The following KPTN variants were observed in gnomAD, a reference collection of about 807,000 sequenced individuals.
KPTN encodes KICSTOR complex protein kaptin.
Under a neutral mutation model 52.6 loss-of-function variants are expected in KPTN, and 36 were observed. The ratio of observed to expected loss-of-function variants is 0.68; its 90% CI spans 0.52 to 0.90. KPTN has a LOEUF of 0.90. Among genes scored for constraint, KPTN ranks in the 40% least tolerant of loss-of-function variants. The probability of loss-of-function intolerance (pLI) is 0.00; values close to 1 mark genes in which losing one functional copy is unlikely to be tolerated. For missense variants in KPTN, 529 were observed against 576.2 expected, an observed-to-expected ratio of 0.92 and a Z score of 0.84; for synonymous variants, 271 against 248.4, an observed-to-expected ratio of 1.09 and a Z score of -0.85.
rs772040245 is a variant in KPTN, at chr19:47,484,193, C to T, written c.-33G>A. 1.9e-6 allele frequency: 3 copies of T among 1,571,864 alleles called. No individual in the cohort carries two copies. In the South Asian group the frequency reaches 3.4e-5, roughly 18 times the overall value. On this transcript the variant is annotated 5_prime_UTR_variant, in exon 1 of 12. Transcript: ENST00000338134. Reference sequence around the variant, plus strand: ...AGTTAAGCACCCTCTCCGCAGCCCCCGCCCCAACCCGCACTACCCAACCTA... The same window carrying T: ...AGTTAAGCACCCTCTCCGCAGCCCCTGCCCCAACCCGCACTACCCAACCTA...
intron 11 of KPTN, 43 bp from the exon 12 acceptor site, chr19:47,475,587 G>A: frequency 1.2e-6 from 2 of 1,604,386 alleles, no homozygotes; most frequent in Non-Finnish European, 1.7e-6. Context: ...CTGAGGAAGA[G>A]CTGTGGGACC....
chr19:47,480,476 AG>A, intron 6 of KPTN, 69 bp from the exon 7 acceptor site: 1 of 1,159,838 alleles, frequency 8.6e-7, no homozygotes. Context: ...CTGCCTCCCC[AG>A]GGGCAGCCGC....
chr19:47,483,083 T>C (rs575394719), intron 4 of KPTN, 78 bp downstream of exon 4: 1 of 1,341,462 alleles, frequency 7.5e-7, no homozygotes, highest in African/African-American at 1.4e-5. Context: ...CAGGGGTCTG[T>C]AAGTAAAGAA....
intron 8 of KPTN, among the ~76,000 whole-genome samples, chr19:47,478,306 G>T (rs1049358998): frequency 1.1e-4 from 17 of 151,820 alleles, no homozygotes; most frequent in Non-Finnish European, 2.4e-4. Context: ...GAGGTTCTGG[G>T]TGTGGTGGCT....
At chr19:47,480,175 C>T in intron 7 of KPTN, 123 bp downstream of exon 7, 1 of 595,484 alleles carries the variant, frequency 1.7e-6, no homozygotes, top group South Asian at 1.8e-5. Context: ...CAAGCCCCAC[C>T]CTCATCCCTC....
At position 47,483,953 on chromosome 19, in the gene KPTN, G is replaced by A; in HGVS notation, c.208C>T (p.Gln70Ter). Residue 70 changes from glutamine to a stop codon, truncating the protein, a stop_gained, in exon 1 of 12, where the codon CAG (glutamine) becomes TAG (stop). Coordinates refer to ENST00000338134, the MANE Select transcript of KPTN (RefSeq NM_007059.4). LOFTEE classifies it high-confidence loss of function. ...CACCCACCGGGAATGTAGTTGAACT[G>A]CAGCTCCTTGGCCACTGGCCGGATT... Reference protein sequence around the residue: ...QKIRPVAKELQFNYIPVDAEI... With the variant: ...QKIRPVAKEL 1 of 1,613,404 alleles carries A rather than the reference G, an allele frequency of 6.2e-7. No individual in the cohort carries two copies. Among genetic ancestry groups the A allele is most frequent in the Non-Finnish European group, 8.5e-7 (1 of 1,179,924 alleles).
upstream of KPTN, chr19:47,484,493 C>T (rs1968012547): frequency 5.2e-6 from 2 of 384,992 alleles, no homozygotes; most frequent in Admixed American, 4.2e-5. Flanking sequence ...CATCATAAAA[C>T]TTAATATTGC....
chr19:47,480,239 C>CA, intron 7 of KPTN, 59 bp downstream of exon 7: 5 of 1,047,480 alleles, frequency 4.8e-6, no homozygotes, highest in East Asian at 2.8e-5. Flanking sequence ...CAGCCCCACC[C>CA]TGGCCCCGCC....
intron 4 of KPTN, 83 bp from the exon 5 acceptor site, chr19:47,481,116 G>C: frequency 5.3e-6 from 6 of 1,123,026 alleles, no homozygotes; most frequent in Middle Eastern, 3.9e-4. Context: ...AAAAACCCCT[G>C]CCTGTTGAGA....
chr19:47,480,060 C>CT, intron 7 of KPTN, 120 bp from the exon 8 acceptor site: 1 of 751,280 alleles, frequency 1.3e-6, no homozygotes, highest in Non-Finnish European at 2.2e-6. Context: ...CTCTGAAGCC[C>CT]TCAACCCCAC....
At position 47,477,010 on chromosome 19, in the gene KPTN, C is replaced by G; in HGVS notation, c.864-72G>C. On this transcript the variant is annotated intron_variant, in intron 9 of 11. Coordinates refer to ENST00000338134, the MANE Select transcript of KPTN (RefSeq NM_007059.4). The stretch of plus-strand genomic sequence containing the variant: ...CCCAGCACCCTTGGCGGATGCTAAG[C>G]TGGGTACCGGTACTGCTTCCCTTCT... 3.4e-6 allele frequency: 5 copies of G among 1,479,568 alleles called. No individual in the cohort carries two copies. In the South Asian group the frequency reaches 5.1e-5, roughly 15 times the overall value. 91.7% of individuals were successfully genotyped at this position (1,479,568 alleles called of 1,614,324 possible).
upstream of KPTN, among the ~76,000 whole-genome samples, chr19:47,485,619 A>G (rs759737544): frequency 6.6e-6 from 1 of 152,242 alleles, no homozygotes; most frequent in Non-Finnish European, 1.5e-5. Flanking sequence ...AAGGCCTGAC[A>G]CAAAGCAGGC....
At position 47,480,420 on chromosome 19, in the gene KPTN, T is replaced by A; in HGVS notation, c.600-13A>T. On this transcript the variant is annotated splice_polypyrimidine_tract_variant and intron_variant, in intron 6 of 11. Coordinates refer to ENST00000338134, the MANE Select transcript of KPTN (RefSeq NM_007059.4). ...CAGCCAGAGGACGCTGGCGGGCGGGTGGATGGACAGGACGGACGGCCATTG... is the reference window on the plus strand; with the variant it reads ...CAGCCAGAGGACGCTGGCGGGCGGGAGGATGGACAGGACGGACGGCCATTG... 1 of 1,532,748 alleles carries A rather than the reference T, an allele frequency of 6.5e-7. No individual in the cohort carries two copies. The highest frequency in any genetic ancestry group is 8.8e-7 in the Non-Finnish European group (1 of 1,136,108). The allele number at this position is 1,532,748 out of a possible 1,614,324, so 94.9% of individuals were successfully genotyped here.
intron 11 of KPTN, chr19:47,476,135 C>T (rs1967657137): frequency 6.5e-6 from 1 of 152,862 alleles, no homozygotes; most frequent in Non-Finnish European, 1.4e-5. Flanking sequence ...TGGTGAAACT[C>T]CGTCTCTACT....
chr19:47,477,683 C>T, intron 9 of KPTN, 23 bp downstream of exon 9: 3 of 1,586,772 alleles, frequency 1.9e-6, no homozygotes, highest in Non-Finnish European at 2.6e-6. Flanking sequence ...TAGACCACAC[C>T]CATGTGTCTC....
rs181445741 is a variant in KPTN at position 47,475,475 on chromosome 19, G to A, written c.1252C>T (p.Arg418Trp). The A allele has an allele frequency of 2.7e-5, 44 of 1,613,432 alleles. No individual in the cohort carries two copies. The East Asian group carries it at 7.8e-4, about 29-fold the overall frequency. ...GCCCCGTCCTCCAACCCCTGTAGCCGACGTCTCCTCTGCTCCACTTGATGT... is the reference window on the plus strand; with the variant it reads ...GCCCCGTCCTCCAACCCCTGTAGCCAACGTCTCCTCTGCTCCACTTGATGT... ...LRHQVEQRRR[R>W]LQGLEDGAGA... The change falls in exon 12 of 12, where the codon CGG becomes TGG. Residue 418 changes from arginine to tryptophan, a missense_variant. Physicochemically the swap from Arg to Trp is moderately radical, Grantham distance 101. Transcript: ENST00000338134.
chr19:47,483,081 T>C (rs1967941350), intron 4 of KPTN, 80 bp downstream of exon 4: 4 of 1,332,656 alleles, frequency 3.0e-6, no homozygotes, highest in Non-Finnish European at 4.3e-6. Flanking sequence ...TACAGGGGTC[T>C]GTAAGTAAAG....
At chr19:47,476,464 G>T (rs1568452973) in intron 11 of KPTN, 68 bp downstream of exon 11, 1 of 1,366,212 alleles carries the variant, frequency 7.3e-7, no homozygotes, top group East Asian at 2.4e-5. Context: ...TCCCCCAGGA[G>T]GAGGCCTGCA....
chr19:47,484,850 C>T (rs903473147), upstream of KPTN, among the ~76,000 whole-genome samples: 1 of 151,924 alleles, frequency 6.6e-6, no homozygotes, highest in Non-Finnish European at 1.5e-5. Flanking sequence ...ATTACAGGCG[C>T]CACCACACCT....
Sources: gnomAD v4.1 joint callset for allele counts (sites outside exome capture counted in the v4.1 genomes callset) on GRCh38, gnomAD v4.1.1 for gene constraint, MANE v1.5 for transcripts, NCBI Gene and HGNC (gene_info 2026-07-23, HGNC 2026-07-21) for gene names.